The following REPS1 variants were observed in gnomAD, a reference collection of about 807,000 sequenced individuals.
REPS1 encodes ralBP1-associated Eps domain-containing protein 1.
Under a neutral mutation model 100.9 loss-of-function variants are expected in REPS1, and 39 were observed. That is an observed-to-expected ratio of 0.39 (90% CI 0.30 to 0.50). The LOEUF (loss-of-function observed/expected upper bound fraction) is 0.50, where lower values mean the gene tolerates loss of function less well. REPS1 is among the 20% of genes least tolerant of loss of function. REPS1 has a pLI of 0.86. For missense variants in REPS1, 821 were observed against 968.5 expected (o/e 0.85, Z 2.02); for synonymous variants, 324 against 340.3 (o/e 0.95, Z 0.53).
intron 1 of REPS1, among the ~76,000 whole-genome samples, chr6:138,958,079 T>TAACAGAGA (rs1783512851): frequency 6.6e-6 from 1 of 152,152 alleles, no homozygotes; most frequent in South Asian, 2.1e-4. Context: ...GTTTCAAAGG[T>TAACAGAGA]AACAGAGAAC....
Position 138,926,483 on chromosome 6 carries a change from TG to T in REPS1, c.1258-3del, listed in dbSNP as rs752917940. 2.5e-6 allele frequency: 4 copies of T among 1,605,966 alleles called. No individual in the cohort carries two copies. The South Asian group carries it at 4.4e-5, about 18-fold the overall frequency. On this transcript the variant is annotated splice_region_variant and splice_polypyrimidine_tract_variant and intron_variant, in intron 9 of 19. Transcript: ENST00000450536. ...GCGTTCACTAAATGTCTCCCACTGC[TG>T]AACAGACAGAGGAGAGACAAGTCAG...
chr6:138,917,374 G>C (rs1780469559), intron 13 of REPS1, among the ~76,000 whole-genome samples, 181 bp downstream of exon 13: 1 of 152,054 alleles, frequency 6.6e-6, no homozygotes, highest in African/African-American at 2.4e-5. Context: ...AGAAAGTCAG[G>C]GTTCTTTTTG....
At chr6:138,940,158 AT>A (rs1310217860) in intron 8 of REPS1, among the ~76,000 whole-genome samples, 1 of 152,220 alleles carries the variant, frequency 6.6e-6, no homozygotes, top group Non-Finnish European at 1.5e-5. Context: ...CATGCATCTG[AT>A]TCCTTCTGCG....
At chr6:138,947,711 A>C in intron 2 of REPS1, 79 bp downstream of exon 2, 1 of 1,246,086 alleles carries the variant, frequency 8.0e-7, no homozygotes, top group Non-Finnish European at 1.1e-6. Context: ...GATCAGAAAG[A>C]CACAAGAGTT....
intron 1 of REPS1, among the ~76,000 whole-genome samples, chr6:138,950,151 A>C (rs1377585964): frequency 6.6e-6 from 1 of 152,176 alleles, no homozygotes; most frequent in Non-Finnish European, 1.5e-5. Context: ...TGAGAAACAA[A>C]TCAGATATCC....
intron 1 of REPS1, among the ~76,000 whole-genome samples, chr6:138,950,311 G>GA (rs530220211): frequency 3.3e-5 from 5 of 151,682 alleles, no homozygotes; most frequent in Non-Finnish European, 7.4e-5. Flanking sequence ...TCATCTATAC[G>GA]AAAAAAAATT....
chr6:138,921,080 G>T lies in REPS1; in HGVS notation c.1383C>A (p.Ser461Arg), dbSNP rs1351849519. 6.2e-7 allele frequency: 1 copy of T among 1,612,752 alleles called. No individual in the cohort carries two copies. ...GTTCCATTTCCTGCATGTGGATTTT[G>T]CTTGGAGTCATACGAATGGGAACTG... ...VHPVPIRMTPSKIHMQEMELK... is the reference protein window; with the variant it reads ...VHPVPIRMTPRKIHMQEMELK... The change falls in exon 11 of 20, where the codon AGC becomes AGA. Residue 461 changes from serine (S) to arginine (R), a missense_variant. Coordinates refer to ENST00000450536, the MANE Select transcript of REPS1 (RefSeq NM_001286611.2).
chr6:138,938,850 A>ATT (rs34695956), intron 8 of REPS1, among the ~76,000 whole-genome samples: 3 of 145,502 alleles, frequency 2.1e-5, no homozygotes, highest in Non-Finnish European at 3.0e-5. Context: ...TATTTTTATA[A>ATT]TTTTTTTTTT....
At chr6:138,980,044 C>G (rs1055558610) in intron 1 of REPS1, among the ~76,000 whole-genome samples, 4 of 152,142 alleles carry the variant, frequency 2.6e-5, no homozygotes, top group Non-Finnish European at 4.4e-5. Flanking sequence ...AACAATCCCC[C>G]CCAAAATCCA....
intron 1 of REPS1, among the ~76,000 whole-genome samples, chr6:138,975,287 T>C (rs1247736848): frequency 6.6e-6 from 1 of 152,110 alleles, no homozygotes; most frequent in Admixed American, 6.6e-5. Flanking sequence ...ATTCTTTGAG[T>C]CCTCTAGTGC....
chr6:138,984,749 G>A (rs1312918755), intron 1 of REPS1, among the ~76,000 whole-genome samples: 1 of 152,052 alleles, frequency 6.6e-6, no homozygotes, highest in African/African-American at 2.4e-5. Flanking sequence ...GACTCCTAAA[G>A]CACTGCTTTA....
intron 1 of REPS1, among the ~76,000 whole-genome samples, chr6:138,963,163 C>T (rs1291936766): frequency 1.3e-5 from 2 of 152,028 alleles, no homozygotes; most frequent in Non-Finnish European, 2.9e-5. Flanking sequence ...AAATTACACC[C>T]TTCCTTCATT....
chr6:138,909,325 G>A (rs1044046017), intron 17 of REPS1, among the ~76,000 whole-genome samples: 1 of 152,158 alleles, frequency 6.6e-6, no homozygotes, highest in Non-Finnish European at 1.5e-5. Context: ...CAGTTTGTCG[G>A]TGATTATGAA....
intron 10 of REPS1, among the ~76,000 whole-genome samples, chr6:138,924,607 C>A (rs1461064702): frequency 4.6e-5 from 7 of 152,146 alleles, no homozygotes; most frequent in Non-Finnish European, 7.4e-5. Flanking sequence ...TTCTTTATTG[C>A]TACATCTAAC....
chr6:138,906,835 G>A (rs1012116019), intron 19 of REPS1, among the ~76,000 whole-genome samples: 1 of 152,068 alleles, frequency 6.6e-6, no homozygotes, highest in African/African-American at 2.4e-5. Context: ...ACCTGTATAT[G>A]CCTTAAGGTT....
intron 1 of REPS1, among the ~76,000 whole-genome samples, chr6:138,973,191 T>C (rs1784428023): frequency 6.6e-6 from 1 of 152,094 alleles, no homozygotes; most frequent in Non-Finnish European, 1.5e-5. Flanking sequence ...TTGGGATGAT[T>C]AGGAAAAAGT....
intron 12 of REPS1, among the ~76,000 whole-genome samples, chr6:138,917,986 A>G (rs1402650651): frequency 1.3e-5 from 2 of 152,208 alleles, no homozygotes; most frequent in South Asian, 2.1e-4. Context: ...AACAGAAAAT[A>G]TTAGAAAATA....
chr6:138,911,027 G>T (rs947263050), intron 17 of REPS1: 1 of 313,036 alleles, frequency 3.2e-6, no homozygotes, highest in Non-Finnish European at 5.8e-6. Context: ...CTATAAAGAA[G>T]TTCTACCTTA....
chr6:138,932,590 C>T (rs1452042475), intron 8 of REPS1, among the ~76,000 whole-genome samples: 1 of 152,058 alleles, frequency 6.6e-6, no homozygotes, highest in Admixed American at 6.6e-5. Flanking sequence ...CTCTGTGTGT[C>T]AAAATGGGAA....
Sources: gnomAD v4.1 joint callset for allele counts (sites outside exome capture counted in the v4.1 genomes callset) on GRCh38, gnomAD v4.1.1 for gene constraint, MANE v1.5 for transcripts, NCBI Gene and HGNC (gene_info 2026-07-23, HGNC 2026-07-21) for gene names.